The following PRKCE variants were observed in gnomAD, a reference collection of about 807,000 sequenced individuals.
PRKCE encodes protein kinase C epsilon type.
In PRKCE, 16 loss-of-function variants were observed where a neutral mutation model predicts 85.4. That is an observed-to-expected ratio of 0.19 (90% CI 0.13 to 0.28). The LOEUF (loss-of-function observed/expected upper bound fraction) is 0.28, where lower values mean the gene tolerates loss of function less well. Ranked by LOEUF, PRKCE falls within the 10% of genes least tolerant of loss-of-function variation. The pLI is 1.00. For missense variants in PRKCE, 573 were observed against 975.2 expected (o/e 0.59, Z 5.49); for synonymous variants, 388 against 371.5 (o/e 1.04, Z -0.51).
At chr2:45,763,974 C>A (rs745543619) in intron 1 of PRKCE, among the ~76,000 whole-genome samples, 1 of 152,148 alleles carries the variant, frequency 6.6e-6, no homozygotes, top group Non-Finnish European at 1.5e-5. Context: ...AGTCCTCTGC[C>A]GTCTTGCTTA....
intron 5 of PRKCE, among the ~76,000 whole-genome samples, chr2:45,982,583 A>G (rs186794380): frequency 5.5e-4 from 83 of 151,814 alleles, no homozygotes; most frequent in Non-Finnish European, 1.0e-3. Context: ...TCTTTCTGCC[A>G]TTGTCTTCCT....
chr2:45,994,610 C>T (rs1267874462), intron 6 of PRKCE, among the ~76,000 whole-genome samples: 1 of 152,212 alleles, frequency 6.6e-6, no homozygotes, highest in South Asian at 2.1e-4. Context: ...TGTCTTTTCA[C>T]AGTTGCTAAC....
At chr2:45,986,219 A>C (rs751296175) in intron 6 of PRKCE, among the ~76,000 whole-genome samples, 1 of 152,384 alleles carries the variant, frequency 6.6e-6, no homozygotes, top group South Asian at 2.1e-4. Flanking sequence ...GGTTGGATTT[A>C]ACAACAAGGA....
intron 10 of PRKCE, among the ~76,000 whole-genome samples, chr2:46,079,394 T>C (rs1668854004): frequency 6.6e-6 from 1 of 152,166 alleles, no homozygotes; most frequent in Admixed American, 6.5e-5. Context: ...CTGTCTTCAG[T>C]TTCTAGCTCT....
chr2:45,984,700 G>A lies in PRKCE; in HGVS notation c.823+20G>A, dbSNP rs751398790. 2 of 1,590,500 alleles carry A rather than the reference G, an allele frequency of 1.3e-6. No individual in the cohort carries two copies. Among genetic ancestry groups the A allele is most frequent in the Admixed American group, 1.7e-5 (1 of 59,802 alleles). On this transcript the variant is annotated intron_variant, in intron 6 of 14. Coordinates refer to ENST00000306156, the MANE Select transcript of PRKCE (RefSeq NM_005400.3). ...GTAAAGGTAAGTTGCTCCCTGCCCT[G>A]CCCTCAGCCCCTGCATGTCCCCTTC...
rs138708169 is a variant in PRKCE, at chr2:45,820,381, C to T, written c.349-22619C>T. On this transcript the variant is annotated intron_variant, in intron 1 of 14. Coordinates refer to ENST00000306156, the MANE Select transcript of PRKCE (RefSeq NM_005400.3). Reference sequence around the variant, plus strand: ...GTAATAGATTCGAGGTGGAAGTAGGCCTGAAAATGTAGGTAGATTTTATTT... The same window carrying T: ...GTAATAGATTCGAGGTGGAAGTAGGTCTGAAAATGTAGGTAGATTTTATTT... Among the ~76,000 whole-genome samples, 619 of 151,686 alleles carry T rather than the reference C, an allele frequency of 4.1e-3. 3 individuals are homozygous for T. Among genetic ancestry groups the T allele is most frequent in the Middle Eastern group, 0.027 (8 of 294 alleles).
chr2:46,069,638 T>A (rs979955263), intron 10 of PRKCE, among the ~76,000 whole-genome samples: 10 of 152,160 alleles, frequency 6.6e-5, no homozygotes, highest in Non-Finnish European at 1.5e-4. Context: ...ATGGAAAAAA[T>A]TTCCAAACTA....
intron 1 of PRKCE, among the ~76,000 whole-genome samples, chr2:45,780,631 C>G (rs978165144): frequency 6.6e-6 from 1 of 152,174 alleles, no homozygotes; most frequent in Non-Finnish European, 1.5e-5. Context: ...GGGGGCACCC[C>G]AAACCTCTGT....
chr2:46,176,742 T>C (rs948561861), intron 14 of PRKCE, among the ~76,000 whole-genome samples: 3 of 152,304 alleles, frequency 2.0e-5, no homozygotes, highest in Non-Finnish European at 4.4e-5. Context: ...TGGGACTTGA[T>C]GTCACCTATG....
At chr2:45,909,115 A>G (rs1005549081) in intron 2 of PRKCE, among the ~76,000 whole-genome samples, 2 of 152,246 alleles carry the variant, frequency 1.3e-5, no homozygotes, top group Non-Finnish European at 2.9e-5. Flanking sequence ...GTCATTAGTC[A>G]TGCAACTTAT....
chr2:46,185,058 G>A lies in PRKCE; in HGVS notation c.*177G>A, dbSNP rs1680357315. ...GGCCACCTCCTCCCCCTCCCACCTGGTGACCAGAAGGCGCTCTCGGTTCTT... is the reference window on the plus strand; with the variant it reads ...GGCCACCTCCTCCCCCTCCCACCTGATGACCAGAAGGCGCTCTCGGTTCTT... On this transcript the variant is annotated 3_prime_UTR_variant, in exon 15 of 15. Coordinates refer to ENST00000306156, the MANE Select transcript of PRKCE (RefSeq NM_005400.3). The surrounding 1 kb of genome is among the most constrained non-coding windows in gnomAD (Gnocchi z 4.7). 1 of 811,186 alleles carries A rather than the reference G, an allele frequency of 1.2e-6. No homozygotes were observed. Among genetic ancestry groups the A allele is most frequent in the Non-Finnish European group, 1.9e-6 (1 of 528,980 alleles). 50.2% of individuals were successfully genotyped at this position (811,186 alleles called of 1,614,324 possible).
chr2:45,840,549 C>G (rs1691260151), intron 1 of PRKCE: 1 of 152,250 alleles, frequency 6.6e-6, no homozygotes, highest in Non-Finnish European at 1.5e-5. Flanking sequence ...ATCCCAAACT[C>G]AGGTGAGCAG....
At chr2:45,842,863 A>T in intron 1 of PRKCE, 137 bp from the exon 2 acceptor site, 1 of 788,212 alleles carries the variant, frequency 1.3e-6, no homozygotes, top group South Asian at 1.5e-5. Context: ...CTCACCTAGC[A>T]CTCAACACAT....
intron 10 of PRKCE, among the ~76,000 whole-genome samples, chr2:46,085,413 A>G (rs1053013256): frequency 2.6e-5 from 4 of 152,182 alleles, no homozygotes. Flanking sequence ...CCTTAAAACA[A>G]TAGAAATGTA....
chr2:46,183,132 T>A (rs557678184), intron 14 of PRKCE, among the ~76,000 whole-genome samples: 99 of 152,336 alleles, frequency 6.5e-4, no homozygotes, highest in African/African-American at 2.2e-3. Flanking sequence ...CAAACTGCAT[T>A]CTGCAGACCC....
intron 14 of PRKCE, among the ~76,000 whole-genome samples, chr2:46,175,785 G>A (rs1251951809): frequency 1.3e-5 from 2 of 151,898 alleles, no homozygotes; most frequent in Admixed American, 1.3e-4. Context: ...GAGAAGGAAT[G>A]CCAGTATATA....
chr2:45,769,056 A>T (rs1685118658), intron 1 of PRKCE, among the ~76,000 whole-genome samples: 1 of 152,230 alleles, frequency 6.6e-6, no homozygotes, highest in Non-Finnish European at 1.5e-5. Context: ...ACAAGATTTA[A>T]ATTGTTTGTT....
chr2:46,139,852 T>C lies in PRKCE; in HGVS notation c.1593-5241T>C. Among the ~76,000 whole-genome samples the C allele has an allele frequency of 6.6e-6, 1 of 152,244 alleles. No homozygotes were observed. Among genetic ancestry groups the C allele is most frequent in the South Asian group, 2.1e-4 (1 of 4,824 alleles). ...AGAACCTAGTCACATAACTACACCCTGCTCCAAGGGCAGCTTTTAATTCTA... is the reference window on the plus strand; with the variant it reads ...AGAACCTAGTCACATAACTACACCCCGCTCCAAGGGCAGCTTTTAATTCTA... On this transcript the variant is annotated intron_variant, in intron 11 of 14. Transcript: ENST00000306156. This position sits in a 1 kb window ranked among gnomAD's most constrained non-coding sequence, Gnocchi z 5.2.
At chr2:45,783,724 C>A (rs1010134103) in intron 1 of PRKCE, among the ~76,000 whole-genome samples, 3 of 152,206 alleles carry the variant, frequency 2.0e-5, no homozygotes, top group Non-Finnish European at 2.9e-5. Context: ...AACCTGTTCT[C>A]TGGTCACAGG....
Sources: allele counts gnomAD v4.1 joint callset (sites outside exome capture counted in the v4.1 genomes callset), GRCh38; gene constraint gnomAD v4.1.1; non-coding constraint Gnocchi (gnomAD v3.1); transcripts MANE v1.5; gene names NCBI Gene and HGNC (gene_info 2026-07-23, HGNC 2026-07-21).